The following UBE2O variants were observed in gnomAD, a reference collection of about 807,000 sequenced individuals.
UBE2O encodes (E3-independent) E2 ubiquitin-conjugating enzyme.
In UBE2O, 15 loss-of-function variants were observed where a neutral mutation model predicts 125.8. That is an observed-to-expected ratio of 0.12 (90% CI 0.08 to 0.18). The LOEUF is 0.18. UBE2O is among the 10% of genes least tolerant of loss of function. The probability of loss-of-function intolerance (pLI) is 1.00; values close to 1 mark genes in which losing one functional copy is unlikely to be tolerated. For missense variants in UBE2O, 1,280 were observed against 1,723.6 expected, an observed-to-expected ratio of 0.74 and a Z score of 4.56; for synonymous variants, 708 against 703.2, an observed-to-expected ratio of 1.01 and a Z score of -0.11.
At chr17:76,431,206 AAGG>A (rs1248458091) in intron 1 of UBE2O, 1 of 155,940 alleles carries the variant, frequency 6.4e-6, no homozygotes, top group Non-Finnish European at 1.4e-5. Context: ...TCTGAAGATG[AAGG>A]AGAAGTAATA....
chr17:76,422,751 C>T (rs1468097296), intron 1 of UBE2O, among the ~76,000 whole-genome samples: 2 of 152,224 alleles, frequency 1.3e-5, no homozygotes, highest in Non-Finnish European at 2.9e-5. Context: ...CATTCTCTAT[C>T]CACCTGCTTT....
In UBE2O at chr17:76,396,408, C is replaced by T; in HGVS notation, c.2529G>A (p.Glu843=). Residue 843 remains glutamate (E), a synonymous_variant, in exon 14 of 18, where the codon GAG becomes GAA. Coordinates refer to ENST00000319380, the MANE Select transcript of UBE2O (RefSeq NM_022066.4). The surrounding 1 kb of genome is among the most constrained non-coding windows in gnomAD (Gnocchi z 6.7). ...TCTTCTCCCGAGTTGGCTTCTCAGG[C>T]TCCACAGTCGGAGAGGTGGGCGAGC... is the stretch of plus-strand genomic sequence containing the variant. ...LTGSPTSPTV[E]PEKPTREKKF... is the part of the protein sequence containing the mutation. The T allele has an allele frequency of 1.2e-6, 2 of 1,614,224 alleles. No homozygotes were observed. The highest frequency in any genetic ancestry group is 1.7e-5 in the Admixed American group (1 of 60,020).
rs748721654 is a variant in UBE2O, at chr17:76,395,623, T to C, written c.2946+102A>G. 3 of 1,432,464 alleles carry C rather than the reference T, an allele frequency of 2.1e-6. No homozygotes were observed. The highest frequency in any genetic ancestry group is 2.8e-6 in the Non-Finnish European group (3 of 1,064,066). 88.7% of individuals were successfully genotyped at this position (1,432,464 alleles called of 1,614,324 possible). On this transcript the variant is annotated intron_variant, in intron 15 of 17. Coordinates refer to ENST00000319380, the MANE Select transcript of UBE2O (RefSeq NM_022066.4). This position sits in a 1 kb window ranked among gnomAD's most constrained non-coding sequence, Gnocchi z 5.0. Reference sequence around the variant, plus strand: ...GTGGGTGGGTGAGTGTCCTCGCAGGTGCCAGTCAGCCCCGGAGGTTTGGGG... The same window carrying C: ...GTGGGTGGGTGAGTGTCCTCGCAGGCGCCAGTCAGCCCCGGAGGTTTGGGG...
At position 76,399,190 on chromosome 17, in the gene UBE2O, C is replaced by T; in HGVS notation, c.1629-199G>A. On this transcript the variant is annotated intron_variant, in intron 9 of 17. Transcript: ENST00000319380. This position sits in a 1 kb window ranked among gnomAD's most constrained non-coding sequence, Gnocchi z 6.9. ...ACGCATTCTCTGAGAACAGGATCCA[C>T]TTGGGAGAGCTCAGGCAAATGTGGT... is the stretch of plus-strand genomic sequence containing the variant. 1.3e-6 allele frequency: 1 copy of T among 778,712 alleles called. No individual in the cohort carries two copies. Among genetic ancestry groups the T allele is most frequent in the Non-Finnish European group, 2.0e-6 (1 of 499,136 alleles). 48.2% of individuals were successfully genotyped at this position (778,712 alleles called of 1,614,324 possible).
chr17:76,416,959 G>A (rs1423190852), intron 1 of UBE2O, among the ~76,000 whole-genome samples: 1 of 152,222 alleles, frequency 6.6e-6, no homozygotes, highest in Non-Finnish European at 1.5e-5. Flanking sequence ...ACACTGCAGG[G>A]GACAGAGATG....
intron 1 of UBE2O, among the ~76,000 whole-genome samples, chr17:76,445,476 T>C (rs1179700961): frequency 6.6e-6 from 1 of 152,186 alleles, no homozygotes; most frequent in Non-Finnish European, 1.5e-5. Flanking sequence ...TTCCAATCCT[T>C]ATTGCCCACT....
chr17:76,453,068 A>T lies in UBE2O; in HGVS notation c.74T>A (p.Val25Asp), dbSNP rs553675941. The T allele has an allele frequency of 1.5e-6, 2 of 1,291,602 alleles. No homozygotes were observed. Among genetic ancestry groups the T allele is most frequent in the Non-Finnish European group, 2.0e-6 (2 of 992,156 alleles). 80.0% of individuals were successfully genotyped at this position (1,291,602 alleles called of 1,614,324 possible). A position where few individuals can be genotyped will look rare whatever the true frequency, so the allele number is the denominator to read the frequency against. The change falls in exon 1 of 18, where the codon GTC (valine) becomes GAC (aspartate). Residue 25 changes from valine (V) to aspartate (D), a missense_variant. Transcript: ENST00000319380. Reference protein sequence around the residue: ...AQAPAPAPEAVPAPAAAPVPA... With the variant: ...AQAPAPAPEADPAPAAAPVPA... The stretch of plus-strand genomic sequence containing the variant: ...GACGGGGGCTGCGGCTGGGGCCGGG[A>T]CTGCCTCCGGGGCTGGAGCCGGGGC...
chr17:76,453,074 TCCGGGGCTGGAGCCGGGG>T lies in UBE2O; in HGVS notation c.50_67del (p.Ala17_Pro22del). 8.1e-7 allele frequency: 1 copy of T among 1,233,048 alleles called. No homozygotes were observed. The highest frequency in any genetic ancestry group is 1.1e-6 in the Non-Finnish European group (1 of 945,968). The allele number at this position is 1,233,048 out of a possible 1,614,324, so 76.4% of individuals were successfully genotyped here. On this transcript the variant is annotated inframe_deletion, in exon 1 of 18. Coordinates refer to ENST00000319380, the MANE Select transcript of UBE2O (RefSeq NM_022066.4). The stretch of plus-strand genomic sequence containing the variant: ...GGCTGCGGCTGGGGCCGGGACTGCC[TCCGGGGCTGGAGCCGGGG>T]CCTGGGCTGGAGCGGGAGCTGCGGG...
chr17:76,399,344 C>A lies in UBE2O; in HGVS notation c.1628+105G>T. 8.5e-7 allele frequency: 1 copy of A among 1,173,842 alleles called. No homozygotes were observed. The highest frequency in any genetic ancestry group is 1.4e-5 in the South Asian group (1 of 69,636). The allele number at this position is 1,173,842 out of a possible 1,614,324, so 72.7% of individuals were successfully genotyped here. A position where few individuals can be genotyped will look rare whatever the true frequency, so the allele number is the denominator to read the frequency against. On this transcript the variant is annotated intron_variant, in intron 9 of 17. Coordinates refer to ENST00000319380, the MANE Select transcript of UBE2O (RefSeq NM_022066.4). The surrounding 1 kb of genome is among the most constrained non-coding windows in gnomAD (Gnocchi z 6.9). ...TGGGAGCCCCGGAGCCACTACAAGG[C>A]ATGCAGAGGTGTGTGTGCGAGCGCA... is the stretch of plus-strand genomic sequence containing the variant.
rs150241610 is a variant in UBE2O at position 76,399,167 on chromosome 17, G to A, written c.1629-176C>T. 1.0e-3 allele frequency: 871 copies of A among 852,380 alleles called. 5 individuals carry two copies. The African/African-American group carries it at 0.012, about 12-fold the overall frequency. The allele number at this position is 852,380 out of a possible 1,614,324, so 52.8% of individuals were successfully genotyped here. On this transcript the variant is annotated intron_variant, in intron 9 of 17. Coordinates refer to ENST00000319380, the MANE Select transcript of UBE2O (RefSeq NM_022066.4). The surrounding 1 kb of genome is among the most constrained non-coding windows in gnomAD (Gnocchi z 6.9). ...AGCTCACCCAGGGTTCCAAGGCCAC[G>A]CATTCTCTGAGAACAGGATCCACTT...
intron 1 of UBE2O, among the ~76,000 whole-genome samples, chr17:76,433,222 A>C (rs1301988132): frequency 6.6e-6 from 1 of 151,928 alleles, no homozygotes; most frequent in East Asian, 1.9e-4. Flanking sequence ...ATGGATACAC[A>C]AAATGTGATC....
chr17:76,392,899 C>A (rs1282776216), intron 15 of UBE2O, among the ~76,000 whole-genome samples: 1 of 151,470 alleles, frequency 6.6e-6, no homozygotes, highest in Non-Finnish European at 1.5e-5. Context: ...TTGCAGTGAG[C>A]CGAGATTGTG....
intron 1 of UBE2O, among the ~76,000 whole-genome samples, chr17:76,420,363 G>T (rs1310866547): frequency 3.9e-5 from 6 of 152,160 alleles, no homozygotes; most frequent in Non-Finnish European, 5.9e-5. Context: ...CTATGGAAGT[G>T]CAGGGGGGCC....
chr17:76,417,149 C>T (rs2072630590), intron 1 of UBE2O, among the ~76,000 whole-genome samples: 1 of 152,232 alleles, frequency 6.6e-6, no homozygotes, highest in Non-Finnish European at 1.5e-5. Flanking sequence ...CAGAGCTTGT[C>T]CCCTAAACAC....
In UBE2O at chr17:76,398,971, G is replaced by A; in HGVS notation, c.1649C>T (p.Thr550Ile). Residue 550 changes from threonine to isoleucine, a missense_variant, in exon 10 of 18, where the codon ACC becomes ATC. By Grantham distance (89) the Thr-to-Ile change is moderately conservative. This residue lies in a region of UBE2O where 145 missense variants were observed against 219.6 expected (regional missense o/e 0.66). Transcript: ENST00000319380. This position sits in a 1 kb window ranked among gnomAD's most constrained non-coding sequence, Gnocchi z 5.4. ...CATCACGTCGGCTGAGGTCATCGTGGTCACCACCTCCACTGCCACCCTGCG... is the reference window on the plus strand; with the variant it reads ...CATCACGTCGGCTGAGGTCATCGTGATCACCACCTCCACTGCCACCCTGCG... Reference protein sequence around the residue: ...PGDRVAVEVVTTMTSADVMWQ... With the variant: ...PGDRVAVEVVITMTSADVMWQ... The A allele has an allele frequency of 6.2e-7, 1 of 1,614,008 alleles. No homozygotes were observed. Among genetic ancestry groups the A allele is most frequent in the Non-Finnish European group, 8.5e-7 (1 of 1,180,004 alleles).
intron 15 of UBE2O, among the ~76,000 whole-genome samples, chr17:76,393,724 G>C (rs1178701265): frequency 6.6e-6 from 1 of 152,246 alleles, no homozygotes; most frequent in Non-Finnish European, 1.5e-5. Context: ...GGGGAGGTTG[G>C]GAGACCACCG....
chr17:76,439,135 G>A (rs917890540), intron 1 of UBE2O, among the ~76,000 whole-genome samples: 1 of 152,246 alleles, frequency 6.6e-6, no homozygotes, highest in Non-Finnish European at 1.5e-5. Flanking sequence ...GTGGTTTGGA[G>A]GCGCTTGCCT....
Position 76,405,166 on chromosome 17 carries a change from A to G in UBE2O, c.588+40T>C. The G allele has an allele frequency of 7.0e-7, 1 of 1,431,060 alleles. No homozygotes were observed. The highest frequency in any genetic ancestry group is 9.7e-7 in the Non-Finnish European group (1 of 1,032,672). The allele number at this position is 1,431,060 out of a possible 1,614,324, so 88.6% of individuals were successfully genotyped here. ...GAGGTCGTGCCGCCGAGAGAACCAG[A>G]GGGCCCAGAAAGGATGATGAGAAGA... On this transcript the variant is annotated intron_variant, in intron 3 of 17. Transcript: ENST00000319380. The surrounding 1 kb of genome is among the most constrained non-coding windows in gnomAD (Gnocchi z 6.1).
chr17:76,423,227 G>A (rs1342440525), intron 1 of UBE2O, among the ~76,000 whole-genome samples: 2 of 152,060 alleles, frequency 1.3e-5, no homozygotes, highest in Non-Finnish European at 2.9e-5. Flanking sequence ...TTAAAAATGG[G>A]GTCAAGCTGG....
Sources: gnomAD v4.1 joint callset for allele counts (sites outside exome capture counted in the v4.1 genomes callset) on GRCh38, gnomAD v4.1.1 for gene constraint, gnomAD v4.1.1 regional missense constraint, Gnocchi (gnomAD v3.1) non-coding constraint, MANE v1.5 for transcripts, NCBI Gene and HGNC (gene_info 2026-07-23, HGNC 2026-07-21) for gene names.